TOP3B: variants seen among roughly 807,000 people sequenced by gnomAD.
The protein encoded by TOP3B is DNA topoisomerase 3-beta-1.
TOP3B carries 45 observed loss-of-function variants against 93.9 expected under a neutral mutation model. The ratio of observed to expected loss-of-function variants is 0.48; its 90% CI spans 0.38 to 0.61. The LOEUF is 0.61. Among genes scored for constraint, TOP3B ranks in the 20% least tolerant of loss-of-function variants. TOP3B has a pLI of 0.00. For missense variants in TOP3B, 750 were observed against 1,156.1 expected, an observed-to-expected ratio of 0.65 and a Z score of 5.09; for synonymous variants, 357 against 472.6, an observed-to-expected ratio of 0.76 and a Z score of 3.17.
chr22:21,968,846 C>T lies in TOP3B; in HGVS notation c.582-71G>A. 8 of 1,555,630 alleles carry T rather than the reference C, an allele frequency of 5.1e-6. No homozygotes were observed. The South Asian group carries it at 8.0e-5, about 15-fold the overall frequency. On this transcript the variant is annotated intron_variant, in intron 6 of 17. Coordinates refer to ENST00000357179, the MANE Select transcript of TOP3B (RefSeq NM_001282112.2). ...ACTATTATGGCCACCCATGTGAGTC[C>T]AGCCCAAGGCCAGGGGTGGTGCATG...
chr22:21,979,741 A>G (rs2084578220), intron 1 of TOP3B, among the ~76,000 whole-genome samples: 2 of 152,008 alleles, frequency 1.3e-5, no homozygotes, highest in Non-Finnish European at 2.9e-5. Flanking sequence ...GGAGATCAAG[A>G]CCATCCTGAC....
At position 21,970,250 on chromosome 22, in the gene TOP3B, G is replaced by A. The variant is rs1299326539; in HGVS notation, c.541C>T (p.Arg181Cys). 2 of 1,613,580 alleles carry A rather than the reference G, an allele frequency of 1.2e-6. No individual in the cohort carries two copies. The highest frequency in any genetic ancestry group is 1.7e-6 in the Non-Finnish European group (2 of 1,180,020). Residue 181 changes from arginine (R) to cysteine (C), a missense_variant, in exon 6 of 18, where the codon CGC (arginine) becomes TGC (cysteine). By Grantham distance (180) the Arg-to-Cys change is radical. Transcript: ENST00000357179. The surrounding 1 kb of genome is among the most constrained non-coding windows in gnomAD (Gnocchi z 4.4). ...DHNEALSVDA[R>C]QELDLRIGCA... ...CCGATTCGCAGGTCCAGCTCCTGGC[G>A]AGCATCCACTGAGAGCGCCTCGTTG...
intron 7 of TOP3B, 63 bp from the exon 8 acceptor site, chr22:21,967,779 G>C: frequency 7.9e-7 from 1 of 1,262,792 alleles, no homozygotes; most frequent in Non-Finnish European, 1.1e-6. Context: ...CCCAACGCCA[G>C]GAAGAACCAG....
Position 21,971,142 on chromosome 22 carries a change from G to C in TOP3B, c.384+735C>G. 1.1e-6 allele frequency: 1 copy of C among 908,330 alleles called. No homozygotes were observed. The highest frequency in any genetic ancestry group is 1.6e-6 in the Non-Finnish European group (1 of 644,366). 56.3% of individuals were successfully genotyped at this position (908,330 alleles called of 1,614,324 possible). ...CCCCCAGGGAGGAGCCGCCCTGCAGGGGAGGAGAGGGTATCTGGGAAGAGA... is the reference window on the plus strand; with the variant it reads ...CCCCCAGGGAGGAGCCGCCCTGCAGCGGAGGAGAGGGTATCTGGGAAGAGA... On this transcript the variant is annotated intron_variant, in intron 5 of 17. Transcript: ENST00000357179. The surrounding 1 kb of genome is among the most constrained non-coding windows in gnomAD (Gnocchi z 4.6).
In TOP3B at chr22:21,971,035, C is replaced by T. The variant is rs537162300; in HGVS notation, c.385-629G>A. ...CCGCCGGAGCCTGGCCACGCAGCTT[C>T]CTTACTGGGAATAAGTGGCTTCATT... On this transcript the variant is annotated intron_variant, in intron 5 of 17. Transcript: ENST00000357179. The surrounding 1 kb of genome is among the most constrained non-coding windows in gnomAD (Gnocchi z 4.6). 5 of 1,302,556 alleles carry T rather than the reference C, an allele frequency of 3.8e-6. No homozygotes were observed. In the African/African-American group the frequency reaches 7.6e-5, roughly 20 times the overall value. 80.7% of individuals were successfully genotyped at this position (1,302,556 alleles called of 1,614,324 possible). A position where few individuals can be genotyped will look rare whatever the true frequency, so the allele number is the denominator to read the frequency against.
At chr22:21,975,580 A>C (rs774123679) in intron 2 of TOP3B, 60 bp downstream of exon 2, 11 of 1,503,530 alleles carry the variant, frequency 7.3e-6, no homozygotes, top group Non-Finnish European at 9.9e-6. Flanking sequence ...TTAGGAAAAA[A>C]TGTCCTGTAA....
In TOP3B at chr22:21,959,573, G is replaced by C. The variant is rs958945058; in HGVS notation, c.1804+14C>G. 6.2e-7 allele frequency: 1 copy of C among 1,601,186 alleles called. No individual in the cohort carries two copies. Among genetic ancestry groups the C allele is most frequent in the East Asian group, 2.2e-5 (1 of 44,654 alleles). On this transcript the variant is annotated intron_variant, in intron 15 of 17. Coordinates refer to ENST00000357179, the MANE Select transcript of TOP3B (RefSeq NM_001282112.2). ...CACCCCTCTGGTGAGGGGCAGGCCA[G>C]AGGCAGACTCTACCAGCAATGGAGT...
intron 3 of TOP3B, chr22:21,972,966 G>A: frequency 2.0e-6 from 1 of 495,386 alleles, no homozygotes; most frequent in Non-Finnish European, 3.6e-6. Flanking sequence ...CCAACCACAG[G>A]AGCCAAGCAA....
chr22:21,978,361 T>C (rs756436758), intron 1 of TOP3B, among the ~76,000 whole-genome samples: 7 of 152,076 alleles, frequency 4.6e-5, no homozygotes, highest in Non-Finnish European at 1.0e-4. Context: ...AGAGGACCAC[T>C]TGAGGCCAGG....
chr22:21,979,011 A>G (rs1351095812), intron 1 of TOP3B, among the ~76,000 whole-genome samples: 1 of 152,060 alleles, frequency 6.6e-6, no homozygotes. Flanking sequence ...CAGAGCTGCC[A>G]CAAGGCTGCA....
rs758350082 is a variant in TOP3B at position 21,958,552 on chromosome 22, TG to T, written c.2046del (p.Lys683ArgfsTer18). ...ELVLWSSGSR[G>X]KSYPLCPYCY... The stretch of plus-strand genomic sequence containing the variant: ...CAGTAGGGGCACAGCGGGTAGCTCT[TG>T]CCCCGAGAGCCTGATGACCACAGGA... On this transcript the variant is annotated frameshift_variant, in exon 17 of 18. Coordinates refer to ENST00000357179, the MANE Select transcript of TOP3B (RefSeq NM_001282112.2). LOFTEE classifies it high-confidence loss of function. 6.2e-7 allele frequency: 1 copy of T among 1,614,076 alleles called. No individual in the cohort carries two copies. The highest frequency in any genetic ancestry group is 8.5e-7 in the Non-Finnish European group (1 of 1,180,016).
At position 21,960,209 on chromosome 22, in the gene TOP3B, G is replaced by T. The variant is rs1040399809; in HGVS notation, c.1654+112C>A. On this transcript the variant is annotated intron_variant, in intron 14 of 17. Coordinates refer to ENST00000357179, the MANE Select transcript of TOP3B (RefSeq NM_001282112.2). The stretch of plus-strand genomic sequence containing the variant: ...CGGGTGTTGAGGGAGTGTGTGTGGG[G>T]CTGGGGGATCACTGTAGGGCAGGGG... 3 of 1,500,010 alleles carry T rather than the reference G, an allele frequency of 2.0e-6. No homozygotes were observed. The African/African-American group carries it at 4.1e-5, about 21-fold the overall frequency. The allele number at this position is 1,500,010 out of a possible 1,614,324, so 92.9% of individuals were successfully genotyped here. A position where few individuals can be genotyped will look rare whatever the true frequency, so the allele number is the denominator to read the frequency against.
intron 16 of TOP3B, 195 bp downstream of exon 16, chr22:21,958,937 G>T: frequency 2.0e-6 from 2 of 1,022,886 alleles, no homozygotes; most frequent in Non-Finnish European, 2.8e-6. Context: ...AATGCACCAT[G>T]TGTGTTTGCG....
intron 1 of TOP3B, chr22:21,977,041 T>C (rs2145881031): frequency 6.6e-6 from 1 of 152,264 alleles, no homozygotes; most frequent in Middle Eastern, 3.4e-3. Context: ...CCAGGTGTGG[T>C]AGCACATGCC....
chr22:21,964,033 G>C lies in TOP3B; in HGVS notation c.1099-5C>G, dbSNP rs756689651. The stretch of plus-strand genomic sequence containing the variant: ...TTCTGCTAACAACCGCTTCACCTGA[G>C]GGAGAGAAGACAGAGCAGAGTCTGT... On this transcript the variant is annotated splice_region_variant and splice_polypyrimidine_tract_variant and intron_variant, in intron 10 of 17. Transcript: ENST00000357179. 6.2e-7 allele frequency: 1 copy of C among 1,605,672 alleles called. No individual in the cohort carries two copies. Among genetic ancestry groups the C allele is most frequent in the East Asian group, 2.2e-5 (1 of 44,782 alleles).
In TOP3B at chr22:21,962,728, G is replaced by A; in HGVS notation, c.1351+19C>T. 1 of 1,614,018 alleles carries A rather than the reference G, an allele frequency of 6.2e-7. No individual in the cohort carries two copies. Among genetic ancestry groups the A allele is most frequent in the Non-Finnish European group, 8.5e-7 (1 of 1,179,924 alleles). On this transcript the variant is annotated intron_variant, in intron 12 of 17. Coordinates refer to ENST00000357179, the MANE Select transcript of TOP3B (RefSeq NM_001282112.2). The stretch of plus-strand genomic sequence containing the variant: ...GCCCATGAAGGCACAGAGGAGGAAG[G>A]CTGGGCCCGTGGTGTGACCTGGTGA...
chr22:21,981,562 T>C (rs2084632019), intron 1 of TOP3B, among the ~76,000 whole-genome samples: 1 of 152,134 alleles, frequency 6.6e-6, no homozygotes, highest in South Asian at 2.1e-4. Context: ...TTTGCGAGGC[T>C]GAGGCAGGTG....
intron 1 of TOP3B, among the ~76,000 whole-genome samples, chr22:21,982,017 G>A (rs901201785): frequency 4.6e-5 from 7 of 152,092 alleles, no homozygotes; most frequent in African/African-American, 1.7e-4. Flanking sequence ...ACCCCATAAG[G>A]CAGGTGTTGT....
At chr22:21,960,192 G>A in intron 14 of TOP3B, 129 bp downstream of exon 14, 2 of 1,400,002 alleles carry the variant, frequency 1.4e-6, no homozygotes, top group South Asian at 1.3e-5. Context: ...AGCGGGTGTT[G>A]AGGGAGTGTG....
Sources: allele counts gnomAD v4.1 joint callset (sites outside exome capture counted in the v4.1 genomes callset), GRCh38; gene constraint gnomAD v4.1.1; non-coding constraint Gnocchi (gnomAD v3.1); transcripts MANE v1.5; gene names NCBI Gene and HGNC (gene_info 2026-07-23, HGNC 2026-07-21).